Variants in CTNND2 observed in about 807,000 individuals in gnomAD.
The protein encoded by CTNND2 is catenin delta 2, also known as catenin delta-2.
Under a neutral mutation model 144.4 loss-of-function variants are expected in CTNND2, and 22 were observed. The ratio of observed to expected loss-of-function variants is 0.15; its 90% CI spans 0.11 to 0.22. The LOEUF (loss-of-function observed/expected upper bound fraction) is 0.22, where lower values mean the gene tolerates loss of function less well. CTNND2 is among the 10% of genes least tolerant of loss of function. The pLI, the probability that CTNND2 is intolerant of heterozygous loss-of-function variation, is 1.00. For missense variants in CTNND2, 1,353 were observed against 1,618.8 expected (o/e 0.84, Z 2.82); for synonymous variants, 751 against 695.6 (o/e 1.08, Z -1.25).
intron 9 of CTNND2, among the ~76,000 whole-genome samples, chr5:11,238,328 T>C (rs1741858826): frequency 6.6e-6 from 1 of 151,748 alleles, no homozygotes; most frequent in African/African-American, 2.4e-5. Context: ...GAGAAATGAG[T>C]CAGTTCTGCA....
At chr5:11,442,337 C>T (rs546626800) in intron 3 of CTNND2, among the ~76,000 whole-genome samples, 2 of 152,094 alleles carry the variant, frequency 1.3e-5, no homozygotes, top group Non-Finnish European at 2.9e-5. Flanking sequence ...ATTAGAATCC[C>T]TTGTGAATAC....
intron 12 of CTNND2, among the ~76,000 whole-genome samples, chr5:11,146,636 C>T (rs201534774): frequency 6.6e-6 from 1 of 152,158 alleles, no homozygotes; most frequent in East Asian, 1.9e-4. Flanking sequence ...CTTAACGGTG[C>T]TGATAAGCAC....
intron 8 of CTNND2, among the ~76,000 whole-genome samples, chr5:11,359,636 T>C (rs1036760367): frequency 1.3e-5 from 2 of 152,200 alleles, no homozygotes; most frequent in Non-Finnish European, 1.5e-5. Flanking sequence ...ACTTTCTATC[T>C]GCCTCCCTGT....
At chr5:11,712,174 A>C (rs890371351) in intron 2 of CTNND2, among the ~76,000 whole-genome samples, 3 of 152,252 alleles carry the variant, frequency 2.0e-5, no homozygotes, top group Non-Finnish European at 4.4e-5. Context: ...AGAACTAGAC[A>C]CATACAAACT....
At chr5:11,532,887 A>G (rs1773874887) in intron 3 of CTNND2, among the ~76,000 whole-genome samples, 1 of 152,190 alleles carries the variant, frequency 6.6e-6, no homozygotes, top group African/African-American at 2.4e-5. Flanking sequence ...ATGACAGGAG[A>G]AAAAGAAGGA....
At chr5:11,633,640 G>A (rs1359896689) in intron 2 of CTNND2, among the ~76,000 whole-genome samples, 1 of 152,052 alleles carries the variant, frequency 6.6e-6, no homozygotes, top group Non-Finnish European at 1.5e-5. Context: ...GCCAGGCATA[G>A]TGGTGGGTGC....
intron 3 of CTNND2, among the ~76,000 whole-genome samples, chr5:11,425,491 C>T (rs1167086762): frequency 6.6e-6 from 1 of 152,178 alleles, no homozygotes; most frequent in Non-Finnish European, 1.5e-5. Flanking sequence ...GGGTACACAG[C>T]AGCTGTATGT....
intron 1 of CTNND2, among the ~76,000 whole-genome samples, chr5:11,815,836 C>T (rs534845908): frequency 6.6e-6 from 1 of 152,132 alleles, no homozygotes; most frequent in African/African-American, 2.4e-5. Context: ...TCAGACACCC[C>T]CAAGACTTGC....
chr5:11,558,633 G>C (rs1776436039), intron 3 of CTNND2, among the ~76,000 whole-genome samples: 1 of 152,112 alleles, frequency 6.6e-6, no homozygotes, highest in Non-Finnish European at 1.5e-5. Context: ...GTCTCCCAAA[G>C]TGCTGGGATT....
intron 2 of CTNND2, among the ~76,000 whole-genome samples, chr5:11,714,542 T>C (rs2126701650): frequency 6.6e-6 from 1 of 152,264 alleles, no homozygotes; most frequent in African/African-American, 2.4e-5. Context: ...CAGAATAGGT[T>C]GTAAGATCTC....
At chr5:11,485,726 G>T (rs1768760768) in intron 3 of CTNND2, among the ~76,000 whole-genome samples, 1 of 152,084 alleles carries the variant, frequency 6.6e-6, no homozygotes, top group South Asian at 2.1e-4. Flanking sequence ...ATATGATATT[G>T]TACACTTTTC....
intron 3 of CTNND2, among the ~76,000 whole-genome samples, chr5:11,492,124 A>G (rs7705511): frequency 0.14 from 21,136 of 152,242 alleles, 1,554 homozygotes; most frequent in Middle Eastern, 0.28. Flanking sequence ...CACACATCCC[A>G]TATATCGCTT....
chr5:11,659,417 T>C (rs1341183539), intron 2 of CTNND2, among the ~76,000 whole-genome samples: 1 of 152,146 alleles, frequency 6.6e-6, no homozygotes, highest in African/African-American at 2.4e-5. Flanking sequence ...GCAATTAAAA[T>C]GAATCCTTAA....
At chr5:11,866,633 A>G (rs140277440) in intron 1 of CTNND2, among the ~76,000 whole-genome samples, 1 of 152,360 alleles carries the variant, frequency 6.6e-6, no homozygotes, top group East Asian at 1.9e-4. Context: ...TGCCTGGCAC[A>G]TCCTACGTGC....
chr5:11,423,283 C>T (rs1465045752), intron 3 of CTNND2, among the ~76,000 whole-genome samples: 4 of 152,238 alleles, frequency 2.6e-5, no homozygotes, highest in Admixed American at 1.3e-4. Context: ...GACATTATAA[C>T]TCACAGTCAG....
chr5:11,247,841 C>T (rs920142476), intron 9 of CTNND2, among the ~76,000 whole-genome samples: 4 of 152,140 alleles, frequency 2.6e-5, no homozygotes, highest in Non-Finnish European at 4.4e-5. Context: ...GTCATAATAC[C>T]TATGCAATAT....
intron 2 of CTNND2, among the ~76,000 whole-genome samples, chr5:11,613,672 TGGAATTAGAGCCTGTTGCCTGCTAA>T (rs535650035): frequency 1.3e-5 from 2 of 152,328 alleles, no homozygotes; most frequent in East Asian, 3.9e-4. Context: ...AACTAGCCCA[TGGAATTAGAGCCTGTTGCCTGCTAA>T]AGTCTCAGCT....
chr5:11,859,359 A>C (rs1795397322), intron 1 of CTNND2, among the ~76,000 whole-genome samples: 1 of 152,236 alleles, frequency 6.6e-6, no homozygotes, highest in African/African-American at 2.4e-5. Flanking sequence ...ACAGATCTAG[A>C]AGAACAAAAC....
At chr5:11,053,588 A>G (rs541859427) in intron 16 of CTNND2, among the ~76,000 whole-genome samples, 1 of 152,348 alleles carries the variant, frequency 6.6e-6, no homozygotes, top group African/African-American at 2.4e-5. Context: ...TGAAGATACA[A>G]GCTCATGGAA....
Sources: gnomAD v4.1 joint callset for allele counts (sites outside exome capture counted in the v4.1 genomes callset) on GRCh38, gnomAD v4.1.1 for gene constraint, MANE v1.5 for transcripts, NCBI Gene and HGNC (gene_info 2026-07-23, HGNC 2026-07-21) for gene names.